The following FSCN3 variants were observed in gnomAD, a reference collection of about 807,000 sequenced individuals.
FSCN3 encodes fascin actin-bundling protein 3.
FSCN3 carries 43 observed loss-of-function variants against 53.5 expected under a neutral mutation model. The observed-to-expected ratio is 0.80, with a 90% CI of 0.63 to 1.04. The LOEUF is 1.04. Ranked by LOEUF, FSCN3 falls within the 50% of genes least tolerant of loss-of-function variation. FSCN3 has a pLI of 0.00. For missense variants in FSCN3, 594 were observed against 646.5 expected (o/e 0.92, Z 0.88); for synonymous variants, 235 against 246.6 (o/e 0.95, Z 0.44).
At chr7:127,600,539 C>G (rs1278640959) in intron 6 of FSCN3, 140 bp downstream of exon 6, 1 of 612,858 alleles carries the variant, frequency 1.6e-6, no homozygotes, top group Non-Finnish European at 2.9e-6. Flanking sequence ...TTGATCAACT[C>G]CAGACATTTA....
At chr7:127,595,080 T>C in intron 1 of FSCN3, 1 of 596,700 alleles carries the variant, frequency 1.7e-6, no homozygotes. Flanking sequence ...TCTCTTTGGA[T>C]AGTGCCATCT....
chr7:127,595,931 T>C lies in FSCN3; in HGVS notation c.769T>C (p.Phe257Leu). The change falls in exon 2 of 7, where the codon TTC becomes CTC. Residue 257 changes from phenylalanine to leucine, a missense_variant. Transcript: ENST00000265825. ...GCNPMRGEEW[F>L]ILQHCPTWVS... ...CAACCCCATGAGGGGTGAGGAGTGG[T>C]TCATCCTACAGCACTGCCCAACCTG... 1.2e-6 allele frequency: 2 copies of C among 1,606,946 alleles called. No homozygotes were observed. Among genetic ancestry groups the C allele is most frequent in the Non-Finnish European group, 1.7e-6 (2 of 1,176,166 alleles).
intron 1 of FSCN3, 80 bp downstream of exon 1, chr7:127,594,077 T>C (rs1227136349): frequency 1.8e-5 from 26 of 1,484,222 alleles, no homozygotes; most frequent in Admixed American, 1.2e-4. Flanking sequence ...CGCGTGTGTG[T>C]GCGTGAGTGT....
In FSCN3 at chr7:127,599,517, A is replaced by G. The variant is rs772282312; in HGVS notation, c.1257A>G (p.Leu419=). The G allele has an allele frequency of 6.2e-7, 1 of 1,614,048 alleles. No individual in the cohort carries two copies. Among genetic ancestry groups the G allele is most frequent in the South Asian group, 1.1e-5 (1 of 91,070 alleles). Residue 419 remains leucine (L), a synonymous_variant, in exon 5 of 7, where the codon CTA becomes CTG. Coordinates refer to ENST00000265825, the MANE Select transcript of FSCN3 (RefSeq NM_020369.3). ...CNQDQPDRIH[L]LPCRPGIYHF... is the part of the protein sequence containing the mutation. ...AGGATCAGCCCGACCGCATTCATCT[A>G]CTACCCTGCCGACCGGGTATCTACC...
At chr7:127,594,875 T>C (rs1306033899) in intron 1 of FSCN3, 2 of 473,890 alleles carry the variant, frequency 4.2e-6, no homozygotes, top group Non-Finnish European at 8.7e-6. Flanking sequence ...CTTTTGCTTC[T>C]GTCTTGCCAT....
rs1333709302 is a variant in FSCN3 at position 127,594,682 on chromosome 7, C to A, written c.145-625C>A. 6.4e-6 allele frequency: 3 copies of A among 471,024 alleles called. No homozygotes were observed. The East Asian group carries it at 2.1e-4, about 33-fold the overall frequency. The allele number at this position is 471,024 out of a possible 1,614,324, so 29.2% of individuals were successfully genotyped here. A position where few individuals can be genotyped will look rare whatever the true frequency, so the allele number is the denominator to read the frequency against. On this transcript the variant is annotated intron_variant, in intron 1 of 6. Transcript: ENST00000265825. ...GTTTGAGAATGGGGAACTCCAGAAG[C>A]CCTAGCAGTGTCGGTCTTCATTCTA...
At position 127,598,539 on chromosome 7, in the gene FSCN3, G is replaced by C. The variant is rs371883135; in HGVS notation, c.1065G>C (p.Gly355=). The change falls in exon 4 of 7, where the codon GGG becomes GGC. Residue 355 remains glycine (G), a synonymous_variant. Transcript: ENST00000265825. ...CGRIILQSCR[G]RFLGIAPNSL... ...GGATCATCCTGCAGTCCTGCAGGGG[G>C]CGCTTCCTGGGCATTGCACCCAACA... 6.2e-7 allele frequency: 1 copy of C among 1,613,794 alleles called. No individual in the cohort carries two copies. Among genetic ancestry groups the C allele is most frequent in the African/African-American group, 1.3e-5 (1 of 74,932 alleles).
chr7:127,597,883 C>T (rs1348795168), intron 3 of FSCN3, among the ~76,000 whole-genome samples: 1 of 152,204 alleles, frequency 6.6e-6, no homozygotes, highest in Non-Finnish European at 1.5e-5. Context: ...TGTAAGTGGT[C>T]TTCATGTGTT....
intron 3 of FSCN3, among the ~76,000 whole-genome samples, chr7:127,597,209 T>C (rs1794402342): frequency 6.6e-6 from 1 of 152,254 alleles, no homozygotes; most frequent in Non-Finnish European, 1.5e-5. Flanking sequence ...TTTGTGAACA[T>C]ACATTTTCAT....
chr7:127,594,010 AC>A lies in FSCN3; in HGVS notation c.144+16del. On this transcript the variant is annotated intron_variant, in intron 1 of 6. Transcript: ENST00000265825. Reference sequence around the variant, plus strand: ...GGGCAGGAGACAGGTGACAAAGCAAACCCATGCTGGCACCAGTTTTCTGAGT... The same window carrying A: ...GGGCAGGAGACAGGTGACAAAGCAAACCATGCTGGCACCAGTTTTCTGAGT... The A allele has an allele frequency of 6.2e-7, 1 of 1,612,066 alleles. No individual in the cohort carries two copies. Among genetic ancestry groups the A allele is most frequent in the Non-Finnish European group, 8.5e-7 (1 of 1,179,258 alleles).
rs1278774290 is a variant in FSCN3 at position 127,598,585 on chromosome 7, A to G, written c.1111A>G (p.Ile371Val). 1.1e-5 allele frequency: 17 copies of G among 1,610,220 alleles called. No individual in the cohort carries two copies. Among genetic ancestry groups the G allele is most frequent in the Non-Finnish European group, 1.4e-5 (16 of 1,177,538 alleles). ...CAACAGCCTGCTGATGGCCAATGTCATCCTTCCAGGTGAGTGGAGCAGCCT... is the reference window on the plus strand; with the variant it reads ...CAACAGCCTGCTGATGGCCAATGTCGTCCTTCCAGGTGAGTGGAGCAGCCT... The part of the protein sequence containing the change: ...APNSLLMANV[I>V]LPGPNEEFGI... Residue 371 changes from isoleucine (I) to valine (V), a missense_variant, in exon 4 of 7, where the codon ATC becomes GTC. Coordinates refer to ENST00000265825, the MANE Select transcript of FSCN3 (RefSeq NM_020369.3).
intron 6 of FSCN3, among the ~76,000 whole-genome samples, chr7:127,600,848 C>T (rs1394654695): frequency 1.3e-5 from 2 of 152,160 alleles, no homozygotes; most frequent in East Asian, 3.8e-4. Flanking sequence ...TTCCTCAGCC[C>T]CAACCCTTCT....
intron 1 of FSCN3, 62 bp downstream of exon 1, chr7:127,594,059 TGC>T (rs1034745291): frequency 1.6e-4 from 236 of 1,493,490 alleles, no homozygotes; most frequent in Middle Eastern, 1.3e-3. Flanking sequence ...TGTGTGTGTG[TGC>T]GCGCGCGCGT....
intron 1 of FSCN3, chr7:127,594,943 C>A: frequency 2.2e-6 from 1 of 459,548 alleles, no homozygotes. Context: ...CTGCGGACAA[C>A]AGTGAGGAAG....
intron 1 of FSCN3, 77 bp from the exon 2 acceptor site, chr7:127,595,230 C>A: frequency 7.7e-7 from 1 of 1,299,738 alleles, no homozygotes; most frequent in Non-Finnish European, 1.1e-6. Context: ...GTGATACCAG[C>A]CATGACAGTT....
rs772811300 is a variant in FSCN3 at position 127,596,018 on chromosome 7, C to T, written c.841+15C>T. 4.6e-6 allele frequency: 7 copies of T among 1,525,694 alleles called. No individual in the cohort carries two copies. Among genetic ancestry groups the T allele is most frequent in the Non-Finnish European group, 6.2e-6 (7 of 1,137,678 alleles). 94.5% of individuals were successfully genotyped at this position (1,525,694 alleles called of 1,614,324 possible). On this transcript the variant is annotated intron_variant, in intron 2 of 6. Transcript: ENST00000265825. ...AGTCATCTACGGCAAGTGCTGGACC[C>T]AACACAGATGGAGGGAGAGAGGGCT...
chr7:127,599,518 C>T lies in FSCN3; in HGVS notation c.1258C>T (p.Leu420=). ...NQDQPDRIHL[L]PCRPGIYHFQ... ...GGATCAGCCCGACCGCATTCATCTACTACCCTGCCGACCGGGTATCTACCA... is the reference window on the plus strand; with the variant it reads ...GGATCAGCCCGACCGCATTCATCTATTACCCTGCCGACCGGGTATCTACCA... Residue 420 remains leucine, a synonymous_variant, in exon 5 of 7, where the codon CTA becomes TTA. Transcript: ENST00000265825. The T allele has an allele frequency of 6.2e-7, 1 of 1,614,174 alleles. No individual in the cohort carries two copies. The highest frequency in any genetic ancestry group is 8.5e-7 in the Non-Finnish European group (1 of 1,180,014).
chr7:127,594,860 A>G, intron 1 of FSCN3: 1 of 472,934 alleles, frequency 2.1e-6, no homozygotes, highest in South Asian at 1.5e-5. Flanking sequence ...GCCTGCCTAT[A>G]AGAGCTTTTG....
In FSCN3 at chr7:127,596,341, T is replaced by C. The variant is rs780128628; in HGVS notation, c.855T>C (p.Arg285=). The change falls in exon 3 of 7, where the codon CGT becomes CGC. Residue 285 remains arginine, a synonymous_variant. Transcript: ENST00000265825. The part of the protein sequence containing the change: ...FISVIYDGEV[R]AASERLNRMS... ...CTTCCTCTGCAGATGGTGAGGTGCG[T>C]GCTGCTTCTGAGCGCTTAAACCGAA... 1.9e-6 allele frequency: 3 copies of C among 1,610,254 alleles called. No individual in the cohort carries two copies. The highest frequency in any genetic ancestry group is 1.7e-5 in the Admixed American group (1 of 60,018).
Sources: gnomAD v4.1 joint callset for allele counts (sites outside exome capture counted in the v4.1 genomes callset) on GRCh38, gnomAD v4.1.1 for gene constraint, MANE v1.5 for transcripts, NCBI Gene and HGNC (gene_info 2026-07-23, HGNC 2026-07-21) for gene names.